EIF3H: variants seen among roughly 807,000 people sequenced by gnomAD.
The protein encoded by EIF3H is eIF-3-gamma.
Under a neutral mutation model 44.2 loss-of-function variants are expected in EIF3H, and 26 were observed. That is an observed-to-expected ratio of 0.59 (90% CI 0.43 to 0.82). EIF3H has a LOEUF of 0.82. Among genes scored for constraint, EIF3H ranks in the 40% least tolerant of loss-of-function variants. The pLI is 0.00. For synonymous variants in EIF3H, 166 were observed against 151.9 expected, an observed-to-expected ratio of 1.09 and a Z score of -0.68; for missense variants, 359 against 432.8, an observed-to-expected ratio of 0.83 and a Z score of 1.51.
At chr8:116,718,686 G>A (rs1395454136) in intron 2 of EIF3H, among the ~76,000 whole-genome samples, 1 of 144,878 alleles carries the variant, frequency 6.9e-6, no homozygotes, top group Non-Finnish European at 1.5e-5. Flanking sequence ...GGATGCAAAG[G>A]CATAAGACCG....
intron 1 of EIF3H, among the ~76,000 whole-genome samples, chr8:116,755,230 C>T (rs1240751576): frequency 6.6e-6 from 1 of 152,190 alleles, no homozygotes; most frequent in East Asian, 1.9e-4. Flanking sequence ...AAAAGAGTGG[C>T]TACAAAGTAC....
At chr8:116,722,074 C>T (rs1814756068) in intron 2 of EIF3H, among the ~76,000 whole-genome samples, 1 of 152,084 alleles carries the variant, frequency 6.6e-6, no homozygotes, top group African/African-American at 2.4e-5. Flanking sequence ...GTGTTGCCAC[C>T]CAAATCTCAT....
chr8:116,704,559 TAA>T (rs1814435754), intron 2 of EIF3H, among the ~76,000 whole-genome samples: 1 of 152,222 alleles, frequency 6.6e-6, no homozygotes, highest in African/African-American at 2.4e-5. Flanking sequence ...TCTATTTTAC[TAA>T]AAGTAAAATC....
upstream of EIF3H, among the ~76,000 whole-genome samples, chr8:116,759,494 A>G (rs1563665492): frequency 6.6e-6 from 1 of 152,228 alleles, no homozygotes. Flanking sequence ...ACTACCCAGT[A>G]TTGGAGCTGC....
At chr8:116,715,964 T>C (rs1428486714) in intron 2 of EIF3H, among the ~76,000 whole-genome samples, 3 of 152,006 alleles carry the variant, frequency 2.0e-5, no homozygotes, top group African/African-American at 4.8e-5. Context: ...AGAAGGTAAA[T>C]TCTGTAATAT....
intron 2 of EIF3H, among the ~76,000 whole-genome samples, chr8:116,677,044 A>G (rs1253618963): frequency 6.6e-6 from 1 of 152,216 alleles, no homozygotes; most frequent in African/African-American, 2.4e-5. Context: ...ATAATTAAGA[A>G]TATCAAGGAA....
intron 2 of EIF3H, among the ~76,000 whole-genome samples, chr8:116,687,363 A>C (rs1166113489): frequency 1.3e-5 from 2 of 152,322 alleles, no homozygotes; most frequent in Non-Finnish European, 2.9e-5. Flanking sequence ...AACAAAGTTT[A>C]CACATTCACA....
chr8:116,741,629 T>G (rs1214307173), intron 1 of EIF3H, among the ~76,000 whole-genome samples: 1 of 152,170 alleles, frequency 6.6e-6, no homozygotes, highest in Non-Finnish European at 1.5e-5. Context: ...TTTATTACAG[T>G]TTTGTAGCTT....
intron 2 of EIF3H, among the ~76,000 whole-genome samples, chr8:116,685,725 C>A (rs1325886544): frequency 2.6e-5 from 4 of 152,198 alleles, no homozygotes; most frequent in Non-Finnish European, 5.9e-5. Context: ...AGCAGCCTTG[C>A]TCCTCCATTT....
chr8:116,723,689 CAT>C (rs1814790210), intron 2 of EIF3H, among the ~76,000 whole-genome samples: 1 of 152,120 alleles, frequency 6.6e-6, no homozygotes, highest in Admixed American at 6.6e-5. Context: ...AGTTAAAAGT[CAT>C]ATCAAAAATG....
At chr8:116,650,796 G>A (rs894287126) in intron 5 of EIF3H, among the ~76,000 whole-genome samples, 25 of 152,114 alleles carry the variant, frequency 1.6e-4, no homozygotes, top group African/African-American at 5.3e-4. Flanking sequence ...ACAGGCATGC[G>A]CCACCACACC....
Position 116,644,440 on chromosome 8 carries a change from G to A in EIF3H, c.*566C>T, listed in dbSNP as rs975517045. On this transcript the variant is annotated 3_prime_UTR_variant, in exon 8 of 8. Coordinates refer to ENST00000521861, the MANE Select transcript of EIF3H (RefSeq NM_003756.3). ...CTTGTGTCCCATGGCCTATGAGTAC[G>A]GGGACTGGTTGACCATCACCTGCAG... The A allele has an allele frequency of 2.0e-5, 3 of 152,972 alleles. No individual in the cohort carries two copies. The highest frequency in any genetic ancestry group is 6.5e-5 in the Admixed American group (1 of 15,402). 9.5% of individuals were successfully genotyped at this position (152,972 alleles called of 1,614,324 possible). A position where few individuals can be genotyped will look rare whatever the true frequency, so the allele number is the denominator to read the frequency against.
At chr8:116,713,935 G>A (rs1194523352) in intron 2 of EIF3H, among the ~76,000 whole-genome samples, 1 of 151,940 alleles carries the variant, frequency 6.6e-6, no homozygotes, top group Non-Finnish European at 1.5e-5. Flanking sequence ...TATCTATTAA[G>A]TATTTTACTA....
intron 7 of EIF3H, among the ~76,000 whole-genome samples, chr8:116,645,536 A>G (rs1813282645): frequency 1.3e-5 from 2 of 152,238 alleles, no homozygotes; most frequent in South Asian, 4.1e-4. Flanking sequence ...TGCTTTGGGA[A>G]CGTTAAGGAG....
At position 116,670,295 on chromosome 8, in the gene EIF3H, G is replaced by A. The variant is rs79983319; in HGVS notation, c.290-11315C>T. On this transcript the variant is annotated intron_variant, in intron 2 of 7. Coordinates refer to ENST00000521861, the MANE Select transcript of EIF3H (RefSeq NM_003756.3). Reference sequence around the variant, plus strand: ...CCTCACAAGTATGTGGGGAGAATGCGGAGGTGAGGCTAGGTGTGAGGCAGT... The same window carrying A: ...CCTCACAAGTATGTGGGGAGAATGCAGAGGTGAGGCTAGGTGTGAGGCAGT... Among the ~76,000 whole-genome samples, 816 of 152,270 alleles carry A rather than the reference G, an allele frequency of 5.4e-3. 4 individuals are homozygous for A. The highest frequency in any genetic ancestry group is 0.019 in the African/African-American group (778 of 41,540).
intron 1 of EIF3H, among the ~76,000 whole-genome samples, chr8:116,749,504 G>T (rs1815292878): frequency 1.3e-5 from 2 of 152,166 alleles, no homozygotes; most frequent in African/African-American, 2.4e-5. Context: ...ATGAACATAA[G>T]AAAGGTAAAA....
intron 1 of EIF3H, chr8:116,737,110 T>C (rs1269335632): frequency 4.8e-6 from 1 of 208,950 alleles, no homozygotes; most frequent in East Asian, 1.4e-4. Flanking sequence ...CAAAAAGACA[T>C]GATTTTTTTA....
chr8:116,716,672 AG>A (rs938451963), intron 2 of EIF3H, among the ~76,000 whole-genome samples: 7 of 152,134 alleles, frequency 4.6e-5, no homozygotes, highest in Non-Finnish European at 1.0e-4. Flanking sequence ...TTTCAGGCTT[AG>A]GACCCATATG....
chr8:116,700,406 TTTC>T (rs1208982911), intron 2 of EIF3H, among the ~76,000 whole-genome samples: 2 of 152,202 alleles, frequency 1.3e-5, no homozygotes, highest in African/African-American at 2.4e-5. Flanking sequence ...ATTTTTTTCT[TTTC>T]TTTTCTTTTT....
Sources: allele counts gnomAD v4.1 joint callset (sites outside exome capture counted in the v4.1 genomes callset), GRCh38; gene constraint gnomAD v4.1.1; transcripts MANE v1.5; gene names NCBI Gene and HGNC (gene_info 2026-07-23, HGNC 2026-07-21).